The following LSG1 variants were observed in gnomAD, a reference collection of about 807,000 sequenced individuals.
The protein encoded by LSG1 is large subunit GTPase 1 homolog.
A neutral mutation model predicts 82.6 loss-of-function variants in LSG1; 55 were observed. The observed-to-expected ratio is 0.67, with a 90% CI of 0.54 to 0.83. The LOEUF (loss-of-function observed/expected upper bound fraction) is 0.83, where lower values mean the gene tolerates loss of function less well. Among genes scored for constraint, LSG1 ranks in the 40% least tolerant of loss-of-function variants. LSG1 has a pLI of 0.00. For missense variants in LSG1, 809 were observed against 807.9 expected (o/e 1.00, Z -0.02); for synonymous variants, 272 against 282.5 (o/e 0.96, Z 0.37).
chr3:194,648,915 C>A, intron 10 of LSG1, 111 bp from the exon 11 acceptor site: 1 of 1,069,148 alleles, frequency 9.4e-7, no homozygotes, highest in African/African-American at 1.6e-5. Context: ...AACACTCTCT[C>A]CTCTCCAAAG....
Position 194,653,060 on chromosome 3 carries a change from C to G in LSG1, c.842G>C (p.Ser281Thr). 1 of 1,614,198 alleles carries G rather than the reference C, an allele frequency of 6.2e-7. No individual in the cohort carries two copies. Among genetic ancestry groups the G allele is most frequent in the South Asian group, 1.1e-5 (1 of 91,078 alleles). ...SSFDQAEISH[S>T]ESEHLPARDS... ...CCTAGCTGGGAGATGTTCGGATTCA[C>G]TGTGGGAAATTTCAGCCTGGTCGAA... Residue 281 changes from serine (S) to threonine (T), a missense_variant, in exon 8 of 14, where the codon AGT becomes ACT. By Grantham distance (58) the Ser-to-Thr change is moderately conservative. Transcript: ENST00000265245.
intron 11 of LSG1, 66 bp downstream of exon 11, chr3:194,648,615 T>C (rs1202921387): frequency 2.0e-6 from 3 of 1,493,478 alleles, no homozygotes; most frequent in Non-Finnish European, 2.8e-6. Context: ...ACTATTACTA[T>C]TCTTATTTCT....
Position 194,652,942 on chromosome 3 carries a change from C to T in LSG1, c.960G>A (p.Thr320=), listed in dbSNP as rs142253210. The T allele has an allele frequency of 8.7e-6, 14 of 1,614,154 alleles. No individual in the cohort carries two copies. The highest frequency in any genetic ancestry group is 1.6e-4 in the Middle Eastern group (1 of 6,062). ...CPEEEEDDWQ[T]CSEEDGPKEE... is the part of the protein sequence containing the mutation. ...CCTTGGGACCGTCTTCTTCTGAGCA[C>T]GTCTGCCAGTCGTCTTCCTCCTCCT... Residue 320 remains threonine (T), a synonymous_variant, in exon 8 of 14, where the codon ACG becomes ACA. Coordinates refer to ENST00000265245, the MANE Select transcript of LSG1 (RefSeq NM_018385.3).
chr3:194,656,267 A>G (rs1718787346), intron 7 of LSG1, among the ~76,000 whole-genome samples: 1 of 148,210 alleles, frequency 6.7e-6, no homozygotes, highest in Non-Finnish European at 1.5e-5. Flanking sequence ...CAAAGGGCTA[A>G]TATCCAGAAT....
At position 194,642,146 on chromosome 3, in the gene LSG1, C is replaced by T. The variant is rs1006521005; in HGVS notation, c.1899G>A (p.Ala633=). 24 of 1,613,788 alleles carry T rather than the reference C, an allele frequency of 1.5e-5. No homozygotes were observed. The highest frequency in any genetic ancestry group is 2.7e-5 in the African/African-American group (2 of 74,864). Reference sequence around the variant, plus strand: ...TGCCATGTTTTTTCCAGGGCTTCCCCGCCCCGTTCTCAGAGCTCGCAGTGG... The same window carrying T: ...TGCCATGTTTTTTCCAGGGCTTCCCTGCCCCGTTCTCAGAGCTCGCAGTGG... ...TASTASSENG[A]GKPWKKHGNR... is the part of the protein sequence containing the mutation. Residue 633 remains alanine (A), a synonymous_variant, in exon 14 of 14, where the codon GCG becomes GCA. Coordinates refer to ENST00000265245, the MANE Select transcript of LSG1 (RefSeq NM_018385.3).
intron 13 of LSG1, among the ~76,000 whole-genome samples, chr3:194,643,935 G>A (rs892707111): frequency 7.9e-5 from 12 of 152,140 alleles, no homozygotes; most frequent in African/African-American, 2.9e-4. Flanking sequence ...CTAAATGAAA[G>A]AAGCCTGTCA....
At chr3:194,667,923 C>CAAAAAAAAAAAAAA (rs1170566137) in intron 2 of LSG1, among the ~76,000 whole-genome samples, 2 of 12,842 alleles carry the variant, frequency 1.6e-4, no homozygotes, top group Admixed American at 1.1e-3. Flanking sequence ...GACTCCGTCT[C>CAAAAAAAAAAAAAA]AAAAAAAAAA....
chr3:194,666,956 C>T (rs1318435887), intron 2 of LSG1, among the ~76,000 whole-genome samples: 1 of 152,120 alleles, frequency 6.6e-6, no homozygotes, highest in African/African-American at 2.4e-5. Flanking sequence ...AGGATAGGGC[C>T]AGGAATCTGT....
intron 7 of LSG1, among the ~76,000 whole-genome samples, chr3:194,657,179 A>G (rs1299303730): frequency 4.8e-5 from 4 of 82,848 alleles, no homozygotes; most frequent in African/African-American, 1.3e-4. Context: ...AAAAAAGGCA[A>G]CCTTAAAAAA....
chr3:194,670,253 A>T, intron 1 of LSG1, 118 bp from the exon 2 acceptor site: 1 of 912,510 alleles, frequency 1.1e-6, no homozygotes, highest in South Asian at 1.6e-5. Flanking sequence ...GTCCCTTTAG[A>T]ATCAATACTA....
intron 2 of LSG1, among the ~76,000 whole-genome samples, chr3:194,669,686 C>A (rs960085730): frequency 2.6e-5 from 4 of 152,190 alleles, no homozygotes; most frequent in Non-Finnish European, 5.9e-5. Flanking sequence ...GTAATCCCAG[C>A]ACTTTGGGAG....
chr3:194,668,394 A>T (rs1243492805), intron 2 of LSG1, among the ~76,000 whole-genome samples: 3 of 152,306 alleles, frequency 2.0e-5, no homozygotes, highest in African/African-American at 7.2e-5. Context: ...ATACTCCCAC[A>T]GCGATGTATG....
chr3:194,667,929 A>AAC (rs1477783974), intron 2 of LSG1, among the ~76,000 whole-genome samples: 4 of 101,672 alleles, frequency 3.9e-5, no homozygotes, highest in African/African-American at 2.2e-4. Flanking sequence ...GTCTCAAAAA[A>AAC]AAAAAAAAAA....
chr3:194,666,151 T>C (rs1719024223), intron 4 of LSG1, 52 bp downstream of exon 4: 20 of 1,474,616 alleles, frequency 1.4e-5, no homozygotes, highest in Non-Finnish European at 1.8e-5. Context: ...GCATGCCAAA[T>C]ATCTGAACTC....
At chr3:194,667,940 AAAATATAT>A (rs1336938153) in intron 2 of LSG1, among the ~76,000 whole-genome samples, 13 of 102,012 alleles carry the variant, frequency 1.3e-4, no homozygotes, top group African/African-American at 6.6e-4. Context: ...AAAAAAAAAA[AAAATATAT>A]ATATATATAT....
intron 2 of LSG1, among the ~76,000 whole-genome samples, chr3:194,668,836 G>A (rs557660740): frequency 6.6e-6 from 1 of 152,246 alleles, no homozygotes; most frequent in East Asian, 1.9e-4. Flanking sequence ...TAAAGAAAAC[G>A]TGGTATATGT....
chr3:194,665,896 CCA>C (rs746408147), intron 4 of LSG1, among the ~76,000 whole-genome samples: 26 of 152,134 alleles, frequency 1.7e-4, no homozygotes, highest in Non-Finnish European at 2.9e-4. Context: ...CATTTCTTTC[CCA>C]CACTCTTACT....
chr3:194,642,490 T>G (rs546960413), intron 13 of LSG1, among the ~76,000 whole-genome samples: 1 of 151,836 alleles, frequency 6.6e-6, no homozygotes, highest in Non-Finnish European at 1.5e-5. Context: ...CATCTACAAC[T>G]AGACTTAATA....
chr3:194,671,082 T>C (rs1326514763), intron 1 of LSG1, among the ~76,000 whole-genome samples: 1 of 152,152 alleles, frequency 6.6e-6, no homozygotes. Context: ...GGTGACAGAG[T>C]GTGACCCTGT....
Sources: gnomAD v4.1 joint callset for allele counts (sites outside exome capture counted in the v4.1 genomes callset) on GRCh38, gnomAD v4.1.1 for gene constraint, MANE v1.5 for transcripts, NCBI Gene and HGNC (gene_info 2026-07-23, HGNC 2026-07-21) for gene names.